ATG7: variants seen among roughly 807,000 people sequenced by gnomAD.
ATG7 encodes ubiquitin-like modifier-activating enzyme ATG7.
In ATG7, 70 loss-of-function variants were observed where a neutral mutation model predicts 82.4. The ratio of observed to expected loss-of-function variants is 0.85; its 90% CI spans 0.70 to 1.04. The LOEUF is 1.04. Among genes scored for constraint, ATG7 ranks in the 50% least tolerant of loss-of-function variants. ATG7 has a pLI of 0.00. For synonymous variants in ATG7, 287 were observed against 313.0 expected (o/e 0.92, Z 0.88); for missense variants, 792 against 864.3 (o/e 0.92, Z 1.05).
chr3:11,573,216 G>C, the ATG7 span, among the ~76,000 whole-genome samples: 1 of 145,766 alleles, frequency 6.9e-6, no homozygotes. Flanking sequence ...AAGAGAGAGA[G>C]AGAAAGACAG....
rs138771506 is a variant in ATG7 at position 11,362,869 on chromosome 3, C to T, written c.1740C>T (p.Ala580=). The change falls in exon 17 of 21, where the codon GCC becomes GCT. Residue 580 remains alanine (A), a synonymous_variant. Coordinates refer to ENST00000693202, the MANE Select transcript of ATG7 (RefSeq NM_001349232.2). The part of the protein sequence containing the change: ...QQCTVSRPGL[A]VIAGALAVEL... ...GCACTGTGAGTCGTCCAGGACTGGC[C>T]GTGATTGCAGGAGCCCTGGCCGTGG... The T allele has an allele frequency of 3.5e-5, 57 of 1,614,004 alleles. No homozygotes were observed. The African/African-American group carries it at 5.7e-4, about 16-fold the overall frequency.
At chr3:11,308,884 G>C in intron 6 of ATG7, 100 bp from the exon 7 acceptor site, 1 of 1,115,680 alleles carries the variant, frequency 9.0e-7, no homozygotes, top group Non-Finnish European at 1.4e-6. Flanking sequence ...GGGCCTGTAG[G>C]AAAGAAGAGC....
chr3:11,478,125 C>T (rs1014400308), intron 20 of ATG7, among the ~76,000 whole-genome samples: 18 of 152,108 alleles, frequency 1.2e-4, no homozygotes, highest in South Asian at 8.3e-4. Context: ...GTCCTGTGAC[C>T]GACAGTCTTG....
At chr3:11,404,422 A>G (rs2152901636) in intron 19 of ATG7, among the ~76,000 whole-genome samples, 1 of 152,100 alleles carries the variant, frequency 6.6e-6, no homozygotes, top group East Asian at 1.9e-4. Context: ...GGCATGAGCC[A>G]CCATGGCCGG....
In ATG7 at chr3:11,403,218, G is replaced by T. The variant is rs112501139; in HGVS notation, c.1956+23166G>T. Among the ~76,000 whole-genome samples, 290 of 152,232 alleles carry T rather than the reference G, an allele frequency of 1.9e-3. 2 individuals are homozygous for T. The highest frequency in any genetic ancestry group is 6.5e-3 in the African/African-American group (269 of 41,516). On this transcript the variant is annotated intron_variant, in intron 19 of 20. Transcript: ENST00000693202. ...TAATTCGTAGTAAATGTAAACTGACGTGCACCTATCAATCTGAGGAAGTCT... is the reference window on the plus strand; with the variant it reads ...TAATTCGTAGTAAATGTAAACTGACTTGCACCTATCAATCTGAGGAAGTCT...
At chr3:11,517,848 T>C (rs2092327664) in intron 20 of ATG7, among the ~76,000 whole-genome samples, 1 of 152,182 alleles carries the variant, frequency 6.6e-6, no homozygotes, top group Non-Finnish European at 1.5e-5. Context: ...TTGCCAGCTA[T>C]ACAAGGGCAC....
chr3:11,422,756 T>C (rs2082045507), intron 19 of ATG7, among the ~76,000 whole-genome samples: 1 of 131,348 alleles, frequency 7.6e-6, no homozygotes, highest in Non-Finnish European at 1.6e-5. Context: ...TTTTTTTTTT[T>C]TTTTTTTTTT....
intron 19 of ATG7, among the ~76,000 whole-genome samples, chr3:11,408,768 A>G (rs1009418448): frequency 1.3e-5 from 2 of 152,090 alleles, no homozygotes; most frequent in South Asian, 2.1e-4. Flanking sequence ...ACCCACCCCC[A>G]TGATTCAGTA....
At chr3:11,550,375 T>A (rs754264778) in intron 20 of ATG7, among the ~76,000 whole-genome samples, 10 of 152,182 alleles carry the variant, frequency 6.6e-5, no homozygotes, top group Non-Finnish European at 1.3e-4. Flanking sequence ...TTTAAAAATT[T>A]GGTCTATTGG....
intron 19 of ATG7, among the ~76,000 whole-genome samples, chr3:11,380,894 A>C (rs569599029): frequency 1.3e-5 from 2 of 152,250 alleles, no homozygotes; most frequent in South Asian, 4.1e-4. Flanking sequence ...GAAGAAAGAG[A>C]ATTCTAGGGA....
chr3:11,374,012 GAGTAAATACA>G (rs560689213), intron 18 of ATG7, among the ~76,000 whole-genome samples: 13 of 152,248 alleles, frequency 8.5e-5, no homozygotes, highest in African/African-American at 2.4e-4. Flanking sequence ...ACTGTGCTAT[GAGTAAATACA>G]AGTAAATACA....
At chr3:11,294,220 C>T (rs186003207) in intron 3 of ATG7, among the ~76,000 whole-genome samples, 371 of 151,918 alleles carry the variant, frequency 2.4e-3, no homozygotes, top group Non-Finnish European at 3.9e-3. Context: ...ATCCTCAAAT[C>T]ACCTGTTTTC....
At chr3:11,554,789 G>T in intron 20 of ATG7, 22 bp from the exon 21 acceptor site, 1 of 1,612,890 alleles carries the variant, frequency 6.2e-7, no homozygotes, top group Non-Finnish European at 8.5e-7. Context: ...TCTCGGCTGA[G>T]CCTCTCCCCT....
chr3:11,348,118 AAG>A (rs2152788578), intron 14 of ATG7, 83 bp downstream of exon 14: 10 of 1,495,694 alleles, frequency 6.7e-6, no homozygotes, highest in Non-Finnish European at 9.0e-6. Context: ...GCATTGAAGA[AAG>A]AGAGTCAGAT....
At chr3:11,421,880 T>C (rs1306133552) in intron 19 of ATG7, among the ~76,000 whole-genome samples, 1 of 152,246 alleles carries the variant, frequency 6.6e-6, no homozygotes, top group Non-Finnish European at 1.5e-5. Flanking sequence ...TATCTCTTTG[T>C]ACATCTCCAT....
At chr3:11,280,797 C>A (rs1028750678) in intron 1 of ATG7, among the ~76,000 whole-genome samples, 197 bp from the exon 2 acceptor site, 1 of 152,114 alleles carries the variant, frequency 6.6e-6, no homozygotes, top group African/African-American at 2.4e-5. Context: ...GCACAGGGTT[C>A]AGTGCACATG....
intron 20 of ATG7, among the ~76,000 whole-genome samples, chr3:11,480,839 C>T (rs2088875639): frequency 6.6e-6 from 1 of 152,200 alleles, no homozygotes; most frequent in African/African-American, 2.4e-5. Context: ...CAAGTAGCCT[C>T]CAGTCCTGGC....
chr3:11,573,348 AAAGAAAGAAAG>A, the ATG7 span, among the ~76,000 whole-genome samples: 1 of 97,298 alleles, frequency 1.0e-5, no homozygotes, highest in African/African-American at 3.3e-5. Context: ...AGAAAGAAAG[AAAGAAAGAAAG>A]AAAGAAAGAA....
chr3:11,293,530 CA>C (rs34054325), intron 3 of ATG7, among the ~76,000 whole-genome samples: 2,616 of 57,264 alleles, frequency 0.046, 67 homozygotes, highest in East Asian at 0.14. Flanking sequence ...GACTCTGTCT[CA>C]AAAAAAAAAA....
Sources: allele counts gnomAD v4.1 joint callset (sites outside exome capture counted in the v4.1 genomes callset), GRCh38; gene constraint gnomAD v4.1.1; transcripts MANE v1.5; gene names NCBI Gene and HGNC (gene_info 2026-07-23, HGNC 2026-07-21).